The following CTIF variants were observed in gnomAD, a reference collection of about 807,000 sequenced individuals.
The protein encoded by CTIF is CBP80/20-dependent translation initiation factor.
CTIF carries 21 observed loss-of-function variants against 66.0 expected under a neutral mutation model. That is an observed-to-expected ratio of 0.32 (90% CI 0.23 to 0.46). The LOEUF (loss-of-function observed/expected upper bound fraction) is 0.46. Ranked by LOEUF, CTIF falls within the 20% of genes least tolerant of loss-of-function variation. The probability of loss-of-function intolerance (pLI) is 1.00; values close to 1 mark genes in which losing one functional copy is unlikely to be tolerated. For missense variants in CTIF, 739 were observed against 812.7 expected (o/e 0.91, Z 1.10); for synonymous variants, 345 against 326.4 (o/e 1.06, Z -0.62).
At chr18:48,739,370 G>A (rs1034743564) in intron 7 of CTIF, among the ~76,000 whole-genome samples, 5 of 152,238 alleles carry the variant, frequency 3.3e-5, no homozygotes, top group Admixed American at 2.6e-4. Flanking sequence ...TGACGCCTTT[G>A]TGAAGGACGG....
intron 10 of CTIF, 44 bp from the exon 11 acceptor site, chr18:48,857,544 G>C: frequency 6.4e-7 from 1 of 1,570,318 alleles, no homozygotes; most frequent in South Asian, 1.2e-5. Context: ...CCCAGTAGCC[G>C]GCATGTCTCC....
rs2069507074 is a variant in CTIF, at chr18:48,862,823, C to CAAGT, written c.*3265_*3268dup. 6.6e-6 allele frequency: 1 copy of CAAGT among 152,274 alleles called. No individual in the cohort carries two copies. Among genetic ancestry groups the CAAGT allele is most frequent in the Non-Finnish European group, 1.5e-5 (1 of 68,064 alleles). The allele number at this position is 152,274 out of a possible 1,614,324, so 9.4% of individuals were successfully genotyped here. ...CCCCAGACGCGGGCCTCCAAGAAGC[C>CAAGT]AAGTCCCAGTCTGTTTTCTGGCATC... On this transcript the variant is annotated 3_prime_UTR_variant, in exon 12 of 12. Coordinates refer to ENST00000256413, the MANE Select transcript of CTIF (RefSeq NM_014772.3).
chr18:48,539,977 TG>T (rs998308911), intron 1 of CTIF: 4 of 151,262 alleles, frequency 2.6e-5, no homozygotes, highest in African/African-American at 9.7e-5. Flanking sequence ...TGTGTGAGTG[TG>T]CGCGCCCGTC....
intron 9 of CTIF, among the ~76,000 whole-genome samples, chr18:48,772,619 T>A (rs1469125922): frequency 6.7e-6 from 1 of 150,184 alleles, no homozygotes; most frequent in Non-Finnish European, 1.5e-5. Context: ...GCCTGGCTTA[T>A]TTCACTTCAC....
intron 9 of CTIF, among the ~76,000 whole-genome samples, chr18:48,797,538 T>G (rs903420515): frequency 1.3e-5 from 2 of 151,082 alleles, no homozygotes; most frequent in African/African-American, 4.9e-5. Context: ...TGAACTGTGC[T>G]GGCATGAATT....
rs562388892 is a variant in CTIF, at chr18:48,606,208, C to T, written c.-28-13330C>T. On this transcript the variant is annotated intron_variant, in intron 1 of 11. Coordinates refer to ENST00000256413, the MANE Select transcript of CTIF (RefSeq NM_014772.3). ...TGCACCTGTCTCATCCGTCCCTTTC[C>T]CCCTTCCTCAGAGCTCCTACCCTAT... 5.9e-5 allele frequency among the ~76,000 whole-genome samples: 9 copies of T among 152,318 alleles called. No individual in the cohort carries two copies. In the East Asian group the frequency reaches 1.5e-3, roughly 26 times the overall value.
At chr18:48,590,670 A>C (rs1254958183) in intron 1 of CTIF, among the ~76,000 whole-genome samples, 1 of 152,138 alleles carries the variant, frequency 6.6e-6, no homozygotes, top group African/African-American at 2.4e-5. Flanking sequence ...TCCAGGCACC[A>C]CCTTCGCCAG....
At chr18:48,591,996 C>T (rs2089895655) in intron 1 of CTIF, among the ~76,000 whole-genome samples, 1 of 152,222 alleles carries the variant, frequency 6.6e-6, no homozygotes, top group African/African-American at 2.4e-5. Context: ...AAGTGATCCT[C>T]CTGCCTCTGC....
At chr18:48,837,134 G>A (rs1293845175) in intron 10 of CTIF, among the ~76,000 whole-genome samples, 1 of 152,186 alleles carries the variant, frequency 6.6e-6, no homozygotes, top group Non-Finnish European at 1.5e-5. Flanking sequence ...CCCATCCAAT[G>A]CCCAGGGGCT....
At chr18:48,838,351 C>A (rs746472567) in intron 10 of CTIF, among the ~76,000 whole-genome samples, 4 of 151,788 alleles carry the variant, frequency 2.6e-5, no homozygotes, top group Non-Finnish European at 5.9e-5. Flanking sequence ...CAAGCCAGTG[C>A]CCTCCTAGAG....
intron 7 of CTIF, among the ~76,000 whole-genome samples, chr18:48,756,637 A>G (rs751641704): frequency 6.6e-6 from 1 of 152,216 alleles, no homozygotes. Context: ...TTGTGCTCCA[A>G]CTGCACTTCC....
intron 7 of CTIF, among the ~76,000 whole-genome samples, chr18:48,720,375 C>T (rs541354813): frequency 1.8e-4 from 27 of 152,264 alleles, no homozygotes; most frequent in African/African-American, 2.6e-4. Context: ...GTTGCTGAGG[C>T]CCTCGCAGAC....
chr18:48,673,543 G>C (rs1387038438), intron 6 of CTIF: 1 of 152,220 alleles, frequency 6.6e-6, no homozygotes, highest in South Asian at 2.1e-4. Context: ...ATCACACACA[G>C]AATTTTATTT....
chr18:48,710,560 A>G (rs1311648460), intron 6 of CTIF, among the ~76,000 whole-genome samples: 1 of 152,108 alleles, frequency 6.6e-6, no homozygotes, highest in Non-Finnish European at 1.5e-5. Context: ...TGGAGGAGGG[A>G]TGGGAAGAGG....
chr18:48,668,873 C>G (rs1219505141), intron 5 of CTIF, among the ~76,000 whole-genome samples: 1 of 152,106 alleles, frequency 6.6e-6, no homozygotes, highest in Non-Finnish European at 1.5e-5. Context: ...CGCCAGACAC[C>G]GAGAGGGGCA....
chr18:48,607,532 C>T (rs2090226384), intron 1 of CTIF, among the ~76,000 whole-genome samples: 1 of 152,228 alleles, frequency 6.6e-6, no homozygotes, highest in Admixed American at 6.5e-5. Context: ...GGGAATCCAT[C>T]ATGAAACTGT....
At chr18:48,753,918 T>C (rs749565368) in intron 7 of CTIF, among the ~76,000 whole-genome samples, 1 of 152,156 alleles carries the variant, frequency 6.6e-6, no homozygotes, top group Non-Finnish European at 1.5e-5. Flanking sequence ...AGCAGCCAGC[T>C]GGCCCCTGAA....
At chr18:48,662,002 G>C (rs1236604739) in intron 3 of CTIF, 1 of 152,258 alleles carries the variant, frequency 6.6e-6, no homozygotes, top group African/African-American at 2.4e-5. Flanking sequence ...GCTATCTCCT[G>C]TGGGAGAGAG....
intron 7 of CTIF, among the ~76,000 whole-genome samples, chr18:48,729,374 G>C (rs1196386322): frequency 6.6e-6 from 1 of 152,156 alleles, no homozygotes; most frequent in South Asian, 2.1e-4. Context: ...GCTTTAATTG[G>C]AAGCGTATTG....
Sources: gnomAD v4.1 joint callset for allele counts (sites outside exome capture counted in the v4.1 genomes callset) on GRCh38, gnomAD v4.1.1 for gene constraint, MANE v1.5 for transcripts, NCBI Gene and HGNC (gene_info 2026-07-23, HGNC 2026-07-21) for gene names.